Variants in SLC4A10 observed in about 807,000 individuals in gnomAD.
SLC4A10 encodes sodium-driven chloride bicarbonate exchanger.
Under a neutral mutation model 137.7 loss-of-function variants are expected in SLC4A10, and 42 were observed. That is an observed-to-expected ratio of 0.30 (90% CI 0.24 to 0.39). SLC4A10 has a LOEUF of 0.39. Ranked by LOEUF, SLC4A10 falls within the 10% of genes least tolerant of loss-of-function variation. The pLI is 1.00. For missense variants in SLC4A10, 925 were observed against 1,355.0 expected (o/e 0.68, Z 4.98); for synonymous variants, 474 against 464.1 (o/e 1.02, Z -0.27).
intron 2 of SLC4A10, among the ~76,000 whole-genome samples, chr2:161,783,948 T>C (rs944074014): frequency 6.6e-6 from 1 of 151,752 alleles, no homozygotes; most frequent in African/African-American, 2.4e-5. Context: ...ATCAAAGACA[T>C]AGGGTGGTTG....
At chr2:161,750,494 G>T (rs2048856212) in intron 1 of SLC4A10, among the ~76,000 whole-genome samples, 1 of 151,614 alleles carries the variant, frequency 6.6e-6, no homozygotes, top group African/African-American at 2.4e-5. Context: ...TTGTTTCAGT[G>T]ATTATTCAAG....
chr2:161,963,371 T>C (rs1023788905), intron 21 of SLC4A10, among the ~76,000 whole-genome samples: 6 of 152,086 alleles, frequency 3.9e-5, no homozygotes, highest in African/African-American at 1.4e-4. Flanking sequence ...GAAAATAATT[T>C]TAATAAAATA....
intron 3 of SLC4A10, among the ~76,000 whole-genome samples, chr2:161,837,323 A>G (rs1211744653): frequency 6.6e-6 from 1 of 152,152 alleles, no homozygotes; most frequent in Admixed American, 6.5e-5. Flanking sequence ...TTGGAAACAA[A>G]TTAAAAAATA....
At chr2:161,693,215 G>C (rs971129354) in intron 1 of SLC4A10, among the ~76,000 whole-genome samples, 4 of 151,992 alleles carry the variant, frequency 2.6e-5, no homozygotes, top group African/African-American at 7.2e-5. Flanking sequence ...GTTGTTTGCT[G>C]GCAGTATTGT....
rs1246484281 is a variant in SLC4A10 at position 161,983,873 on chromosome 2, T to TA, written c.*725dup. 7 of 152,222 alleles carry TA rather than the reference T, an allele frequency of 4.6e-5. No homozygotes were observed. Among genetic ancestry groups the TA allele is most frequent in the Admixed American group, 2.0e-4 (3 of 15,280 alleles). The allele number at this position is 152,222 out of a possible 1,614,324, so 9.4% of individuals were successfully genotyped here. A position where few individuals can be genotyped will look rare whatever the true frequency, so the allele number is the denominator to read the frequency against. Reference sequence around the variant, plus strand: ...AATGCAGAGTTAAGTAGTATTTGCTTAAAATTCAAGTTGTGACTAATGATC... The same window carrying TA: ...AATGCAGAGTTAAGTAGTATTTGCTTAAAAATTCAAGTTGTGACTAATGATC... On this transcript the variant is annotated 3_prime_UTR_variant, in exon 27 of 27. Coordinates refer to ENST00000446997, the MANE Select transcript of SLC4A10 (RefSeq NM_001178015.2).
intron 3 of SLC4A10, among the ~76,000 whole-genome samples, chr2:161,819,962 TA>T (rs1167120206): frequency 6.6e-6 from 1 of 152,202 alleles, no homozygotes; most frequent in African/African-American, 2.4e-5. Context: ...CTTCAACGTT[TA>T]TTTTTTTCCT....
intron 3 of SLC4A10, among the ~76,000 whole-genome samples, chr2:161,814,398 A>G (rs929920413): frequency 1.3e-5 from 2 of 152,136 alleles, no homozygotes; most frequent in African/African-American, 4.8e-5. Flanking sequence ...AAACAGAACA[A>G]CTATTGACCC....
intron 5 of SLC4A10, among the ~76,000 whole-genome samples, chr2:161,856,888 T>G (rs1371403339): frequency 2.0e-5 from 3 of 152,222 alleles, no homozygotes; most frequent in South Asian, 2.1e-4. Flanking sequence ...TTCTGCCGCT[T>G]AAATCGATGA....
rs142478606 is a variant in SLC4A10, at chr2:161,666,040, T to C, written c.48+41474T>C. On this transcript the variant is annotated intron_variant, in intron 1 of 26. Coordinates refer to ENST00000446997, the MANE Select transcript of SLC4A10 (RefSeq NM_001178015.2). ...GTAATGATACTACTTGTGATTTCTT[T>C]TGCCTTACCTATAAGTGAACATATA... Among the ~76,000 whole-genome samples the C allele has an allele frequency of 6.4e-4, 96 of 150,946 alleles. 1 individual carries two copies. In the East Asian group the frequency reaches 0.017, roughly 27 times the overall value.
At chr2:161,857,256 A>C (rs1194241063) in intron 5 of SLC4A10, among the ~76,000 whole-genome samples, 4 of 152,172 alleles carry the variant, frequency 2.6e-5, no homozygotes, top group Admixed American at 2.6e-4. Flanking sequence ...ACATTCTCTA[A>C]GTCTACCCTT....
At chr2:161,791,063 C>T (rs1056151538) in intron 2 of SLC4A10, among the ~76,000 whole-genome samples, 4 of 152,124 alleles carry the variant, frequency 2.6e-5, no homozygotes, top group Admixed American at 2.6e-4. Context: ...TGTGGCAATT[C>T]CTTAAAGACC....
At chr2:161,672,261 A>C (rs1177652593) in intron 1 of SLC4A10, among the ~76,000 whole-genome samples, 4 of 152,202 alleles carry the variant, frequency 2.6e-5, no homozygotes, top group African/African-American at 9.7e-5. Flanking sequence ...AGGAAACTTT[A>C]ATATTATAAT....
At chr2:161,829,184 T>C (rs1408810274) in intron 3 of SLC4A10, among the ~76,000 whole-genome samples, 5 of 152,114 alleles carry the variant, frequency 3.3e-5, no homozygotes, top group African/African-American at 1.2e-4. Flanking sequence ...GCACCAGACA[T>C]GTTAGTGCTT....
chr2:161,946,239 G>C (rs1429013498), intron 16 of SLC4A10, among the ~76,000 whole-genome samples: 1 of 151,994 alleles, frequency 6.6e-6, no homozygotes, highest in African/African-American at 2.4e-5. Flanking sequence ...AGTTAAATTA[G>C]AAAAGGAGAC....
At chr2:161,687,186 T>A (rs2041518710) in intron 1 of SLC4A10, among the ~76,000 whole-genome samples, 1 of 152,190 alleles carries the variant, frequency 6.6e-6, no homozygotes, top group African/African-American at 2.4e-5. Flanking sequence ...AGAAGACTTT[T>A]TGAAAAGATA....
At chr2:161,721,196 C>G (rs2045622512) in intron 1 of SLC4A10, among the ~76,000 whole-genome samples, 1 of 152,162 alleles carries the variant, frequency 6.6e-6, no homozygotes, top group Admixed American at 6.6e-5. Flanking sequence ...AGAATAATAT[C>G]TTTATGTGTG....
At chr2:161,636,269 C>T (rs1042248574) in intron 1 of SLC4A10, among the ~76,000 whole-genome samples, 5 of 152,146 alleles carry the variant, frequency 3.3e-5, no homozygotes, top group African/African-American at 1.2e-4. Context: ...AGACTTATTT[C>T]ACTTAACATA....
intron 8 of SLC4A10, among the ~76,000 whole-genome samples, chr2:161,875,734 A>T (rs1559438640): frequency 6.6e-6 from 1 of 152,206 alleles, no homozygotes; most frequent in Non-Finnish European, 1.5e-5. Flanking sequence ...GCTTTAGTGT[A>T]TGAAACATAT....
chr2:161,937,205 T>C (rs528168587), intron 15 of SLC4A10, among the ~76,000 whole-genome samples: 1 of 152,318 alleles, frequency 6.6e-6, no homozygotes, highest in Non-Finnish European at 1.5e-5. Flanking sequence ...AAAAAGATAC[T>C]CAATATGGTT....
Sources: gnomAD v4.1 joint callset for allele counts (sites outside exome capture counted in the v4.1 genomes callset) on GRCh38, gnomAD v4.1.1 for gene constraint, MANE v1.5 for transcripts, NCBI Gene and HGNC (gene_info 2026-07-23, HGNC 2026-07-21) for gene names.